MAP7D1: variants seen among roughly 807,000 people sequenced by gnomAD.
MAP7D1 encodes MAP7 domain containing 1, also known as MAP7 domain-containing protein 1.
Under a neutral mutation model 97.5 loss-of-function variants are expected in MAP7D1, and 30 were observed. The ratio of observed to expected loss-of-function variants is 0.31; its 90% CI spans 0.23 to 0.42. The LOEUF (loss-of-function observed/expected upper bound fraction) is 0.42, where lower values mean the gene tolerates loss of function less well. Among genes scored for constraint, MAP7D1 ranks in the 10% least tolerant of loss-of-function variants. The pLI, the probability that MAP7D1 is intolerant of heterozygous loss-of-function variation, is 1.00. For missense variants in MAP7D1, 1,184 were observed against 1,179.5 expected (o/e 1.00, Z -0.06); for synonymous variants, 536 against 477.1 (o/e 1.12, Z -1.61).
intron 3 of MAP7D1, 193 bp from the exon 4 acceptor site, chr1:36,172,271 C>A: frequency 2.1e-6 from 1 of 473,450 alleles, no homozygotes; most frequent in South Asian, 7.0e-5. Flanking sequence ...AGAAATAGGC[C>A]TCTCCTGAGT....
chr1:36,168,791 G>A (rs1349499394), intron 1 of MAP7D1, among the ~76,000 whole-genome samples: 1 of 152,172 alleles, frequency 6.6e-6, no homozygotes, highest in Admixed American at 6.5e-5. Flanking sequence ...GGGTATAATG[G>A]GTAAGGACAG....
chr1:36,176,424 C>G lies in MAP7D1; in HGVS notation c.1076C>G (p.Pro359Arg). 6.5e-7 allele frequency: 1 copy of G among 1,528,824 alleles called. No individual in the cohort carries two copies. The highest frequency in any genetic ancestry group is 8.7e-7 in the Non-Finnish European group (1 of 1,146,952). The allele number at this position is 1,528,824 out of a possible 1,614,324, so 94.7% of individuals were successfully genotyped here. A position where few individuals can be genotyped will look rare whatever the true frequency, so the allele number is the denominator to read the frequency against. Reference sequence around the variant, plus strand: ...CGCACTCATCCCTCTGCAGCCGTGCCGGTGTGCCCGCGCTCGGCCTCCGCC... The same window carrying G: ...CGCACTCATCCCTCTGCAGCCGTGCGGGTGTGCCCGCGCTCGGCCTCCGCC... ...PDRTHPSAAV[P>R]VCPRSASASP... Residue 359 changes from proline (P) to arginine (R), a missense_variant, in exon 7 of 17, where the codon CCG becomes CGG. Transcript: ENST00000474796. This position sits in a 1 kb window ranked among gnomAD's most constrained non-coding sequence, Gnocchi z 6.1.
chr1:36,180,322 T>C lies in MAP7D1; in HGVS notation c.*64T>C. On this transcript the variant is annotated 3_prime_UTR_variant, in exon 17 of 17. Transcript: ENST00000474796. ...CCTCTGCATCACCTACCAGGATGTCTGGAGGAGAAAAAGACAGAACAAAGA... is the reference window on the plus strand; with the variant it reads ...CCTCTGCATCACCTACCAGGATGTCCGGAGGAGAAAAAGACAGAACAAAGA... The C allele has an allele frequency of 6.2e-7, 1 of 1,610,332 alleles. No individual in the cohort carries two copies. The highest frequency in any genetic ancestry group is 8.5e-7 in the Non-Finnish European group (1 of 1,176,570).
At position 36,178,099 on chromosome 1, in the gene MAP7D1, G is replaced by A. The variant is rs1644655183; in HGVS notation, c.1606G>A (p.Glu536Lys). Residue 536 changes from glutamate to lysine, a missense_variant, in exon 9 of 17, where the codon GAG (glutamate) becomes AAG (lysine). By Grantham distance (56) the Glu-to-Lys change is moderately conservative. Transcript: ENST00000474796. ...KSQSKRRASN[E>K]KESAAPASPA... ...CCAGAGCAAGCGCAGGGCCAGTAAC[G>A]AGAAGGAGTCAGCAGCCCCAGCCTC... The A allele has an allele frequency of 3.1e-6, 5 of 1,602,088 alleles. No homozygotes were observed. The highest frequency in any genetic ancestry group is 4.3e-6 in the Non-Finnish European group (5 of 1,174,960).
intron 1 of MAP7D1, among the ~76,000 whole-genome samples, chr1:36,162,286 G>A (rs1467178107): frequency 6.6e-6 from 1 of 152,152 alleles, no homozygotes; most frequent in Non-Finnish European, 1.5e-5. Context: ...GCCAGCCTGG[G>A]CAGGAGCCTG....
At chr1:36,166,279 G>A (rs1427560250) in intron 1 of MAP7D1, among the ~76,000 whole-genome samples, 1 of 152,126 alleles carries the variant, frequency 6.6e-6, no homozygotes, top group Middle Eastern at 3.2e-3. Context: ...GGTCGAAGAG[G>A]TCAGGATCCT....
At position 36,156,319 on chromosome 1, in the gene MAP7D1, G is replaced by A; in HGVS notation, c.-99G>A. On this transcript the variant is annotated 5_prime_UTR_variant, in exon 1 of 17. Coordinates refer to ENST00000474796, the MANE Select transcript of MAP7D1 (RefSeq NM_001388490.1). Reference sequence around the variant, plus strand: ...TCCGAGTCGCTACTTGCCGGGCCGGGCCGGGCCGGGCGTGATGCGCCGCGG... The same window carrying A: ...TCCGAGTCGCTACTTGCCGGGCCGGACCGGGCCGGGCGTGATGCGCCGCGG... The A allele has an allele frequency of 9.5e-7, 1 of 1,053,074 alleles. No homozygotes were observed. Among genetic ancestry groups the A allele is most frequent in the African/African-American group, 1.7e-5 (1 of 59,338 alleles). 65.2% of individuals were successfully genotyped at this position (1,053,074 alleles called of 1,614,324 possible). A position where few individuals can be genotyped will look rare whatever the true frequency, so the allele number is the denominator to read the frequency against.
chr1:36,171,546 C>G lies in MAP7D1; in HGVS notation c.425C>G (p.Ala142Gly), dbSNP rs774798350. 1 of 1,614,170 alleles carries G rather than the reference C, an allele frequency of 6.2e-7. No individual in the cohort carries two copies. Among genetic ancestry groups the G allele is most frequent in the East Asian group, 2.2e-5 (1 of 44,880 alleles). The change falls in exon 3 of 17, where the codon GCA becomes GGA. Residue 142 changes from alanine to glycine, a missense_variant. Physicochemically the swap from Ala to Gly is moderately conservative, Grantham distance 60. Coordinates refer to ENST00000474796, the MANE Select transcript of MAP7D1 (RefSeq NM_001388490.1). ...VKKAGERHKL[A>G]KERREERAKY... is the part of the protein sequence containing the mutation. Reference sequence around the variant, plus strand: ...AAGGCAGGAGAGAGACACAAGCTGGCAAAGGAGCGGCGAGAAGAGCGGGCC... The same window carrying G: ...AAGGCAGGAGAGAGACACAAGCTGGGAAAGGAGCGGCGAGAAGAGCGGGCC...
chr1:36,164,729 C>T (rs1318204054), intron 1 of MAP7D1, among the ~76,000 whole-genome samples: 1 of 152,136 alleles, frequency 6.6e-6, no homozygotes, highest in Non-Finnish European at 1.5e-5. Flanking sequence ...AAGCCACTGA[C>T]AAGTTTCAAG....
Position 36,179,089 on chromosome 1 carries a change from C to T in MAP7D1, c.2130+64C>T, listed in dbSNP as rs979279720. On this transcript the variant is annotated intron_variant, in intron 12 of 16. Transcript: ENST00000474796. ...GGCAGGGCGGGCCAGGTGGGCGGGG[C>T]CTGGGCTTAGAGCGGACAGGACGGG... 54 of 1,518,680 alleles carry T rather than the reference C, an allele frequency of 3.6e-5. No homozygotes were observed. The African/African-American group carries it at 6.5e-4, about 18-fold the overall frequency. The allele number at this position is 1,518,680 out of a possible 1,614,324, so 94.1% of individuals were successfully genotyped here.
chr1:36,174,902 G>C lies in MAP7D1; in HGVS notation c.744G>C (p.Gly248=). Reference sequence around the variant, plus strand: ...CCGTGTCTTTTCCCCCTCCAGGTGGGAGCAGGTGCTCCGTGTCGGCAGTTA... The same window carrying C: ...CCGTGTCTTTTCCCCCTCCAGGTGGCAGCAGGTGCTCCGTGTCGGCAGTTA... ...HHSSPGHKTS[G]SRCSVSAVNL... The change falls in exon 6 of 17, where the codon GGG becomes GGC. Residue 248 remains glycine (G), a synonymous_variant. Coordinates refer to ENST00000474796, the MANE Select transcript of MAP7D1 (RefSeq NM_001388490.1). 6 of 1,608,544 alleles carry C rather than the reference G, an allele frequency of 3.7e-6. No individual in the cohort carries two copies. The highest frequency in any genetic ancestry group is 5.1e-6 in the Non-Finnish European group (6 of 1,175,150).
intron 1 of MAP7D1, among the ~76,000 whole-genome samples, chr1:36,165,655 G>A (rs928728100): frequency 3.3e-5 from 5 of 151,144 alleles, no homozygotes; most frequent in Non-Finnish European, 7.4e-5. Flanking sequence ...GGCCTTAAGG[G>A]ATCCTCCTGT....
chr1:36,177,628 TTC>T, intron 8 of MAP7D1: 1 of 738,898 alleles, frequency 1.4e-6, no homozygotes, highest in Non-Finnish European at 2.4e-6. Flanking sequence ...GCATGGTTTT[TTC>T]TCTTATTAAG....
At chr1:36,160,349 T>C (rs556494902) in intron 1 of MAP7D1, among the ~76,000 whole-genome samples, 1 of 152,344 alleles carries the variant, frequency 6.6e-6, no homozygotes, top group South Asian at 2.1e-4. Flanking sequence ...ACTGCTGCCC[T>C]TACTAGCGCT....
At chr1:36,157,676 T>C (rs1253030053) in intron 1 of MAP7D1, among the ~76,000 whole-genome samples, 1 of 152,204 alleles carries the variant, frequency 6.6e-6, no homozygotes, top group Non-Finnish European at 1.5e-5. Flanking sequence ...GTCACCTCCC[T>C]GCCCCTTGGG....
chr1:36,175,730 C>A (rs1390549390), intron 6 of MAP7D1, among the ~76,000 whole-genome samples: 1 of 152,176 alleles, frequency 6.6e-6, no homozygotes, highest in East Asian at 1.9e-4. Context: ...AGGCAGGCAC[C>A]CTAGCAGCCT....
intron 4 of MAP7D1, 81 bp from the exon 5 acceptor site, chr1:36,173,283 A>C: frequency 9.8e-7 from 1 of 1,019,976 alleles, no homozygotes; most frequent in Non-Finnish European, 1.5e-6. Flanking sequence ...AGGCATTGTC[A>C]CAGGAGGAAG....
chr1:36,172,430 C>T lies in MAP7D1; in HGVS notation c.461-34C>T. On this transcript the variant is annotated intron_variant, in intron 3 of 16. Coordinates refer to ENST00000474796, the MANE Select transcript of MAP7D1 (RefSeq NM_001388490.1). ...CTTGGCCCAGGCCTTCTGCAGAACC[C>T]TTCACACACGCCACTGGGCTCCTTT... 8 of 1,497,334 alleles carry T rather than the reference C, an allele frequency of 5.3e-6. 1 individual carries two copies. The highest frequency in any genetic ancestry group is 1.3e-5 in the South Asian group (1 of 77,048). The allele number at this position is 1,497,334 out of a possible 1,614,324, so 92.8% of individuals were successfully genotyped here.
Position 36,178,136 on chromosome 1 carries a change from C to T in MAP7D1, c.1643C>T (p.Ser548Leu), listed in dbSNP as rs370321233. The change falls in exon 9 of 17, where the codon TCG becomes TTG. Residue 548 changes from serine to leucine, a missense_variant. Physicochemically the swap from Ser to Leu is moderately radical, Grantham distance 145. Transcript: ENST00000474796. The part of the protein sequence containing the change: ...ESAAPASPAP[S>L]PAPSPTPAPP... ...GCAGCCCCAGCCTCACCGGCACCTT[C>T]GCCGGCGCCCTCGCCCACCCCAGCC... The T allele has an allele frequency of 3.8e-6, 6 of 1,584,554 alleles. No individual in the cohort carries two copies. The highest frequency in any genetic ancestry group is 2.7e-5 in the African/African-American group (2 of 74,506).
Sources: gnomAD v4.1 joint callset for allele counts (sites outside exome capture counted in the v4.1 genomes callset) on GRCh38, gnomAD v4.1.1 for gene constraint, Gnocchi (gnomAD v3.1) non-coding constraint, MANE v1.5 for transcripts, NCBI Gene and HGNC (gene_info 2026-07-23, HGNC 2026-07-21) for gene names.